The following TCF4 variants were observed in gnomAD, a reference collection of about 807,000 sequenced individuals.
The protein encoded by TCF4 is SL3-3 enhancer factor 2.
TCF4 carries 3 observed loss-of-function variants against 82.1 expected under a neutral mutation model. The observed-to-expected ratio is 0.04, with a 90% CI of 0.02 to 0.09. TCF4 has a LOEUF of 0.09. Ranked by LOEUF, TCF4 falls within the 10% of genes least tolerant of loss-of-function variation. The pLI is 1.00. For missense variants in TCF4, 518 were observed against 852.7 expected, an observed-to-expected ratio of 0.61 and a Z score of 4.89; for synonymous variants, 276 against 309.6, an observed-to-expected ratio of 0.89 and a Z score of 1.14.
chr18:55,322,226 G>A, intron 8 of TCF4: 1 of 1,056,724 alleles, frequency 9.5e-7, no homozygotes, highest in Non-Finnish European at 1.1e-6. Context: ...TACAAATGCA[G>A]TTAATTGACT....
intron 3 of TCF4, among the ~76,000 whole-genome samples, chr18:55,537,342 T>C (rs571408258): frequency 1.3e-5 from 2 of 152,268 alleles, no homozygotes; most frequent in East Asian, 3.9e-4. Context: ...GGCTCACGCC[T>C]GTAATCCCAG....
At chr18:55,370,585 C>T (rs553329266) in intron 6 of TCF4, among the ~76,000 whole-genome samples, 32 of 152,132 alleles carry the variant, frequency 2.1e-4, no homozygotes, top group African/African-American at 7.2e-4. Flanking sequence ...CAAAATGGGC[C>T]GCTCACCATG....
At chr18:55,307,856 G>A (rs530419847) in intron 8 of TCF4, among the ~76,000 whole-genome samples, 2 of 152,296 alleles carry the variant, frequency 1.3e-5, no homozygotes, top group South Asian at 2.1e-4. Context: ...CTGTAGCAAC[G>A]AGAGGATGAT....
chr18:55,524,845 G>C (rs754583019), intron 3 of TCF4, among the ~76,000 whole-genome samples: 1 of 152,074 alleles, frequency 6.6e-6, no homozygotes, highest in Non-Finnish European at 1.5e-5. Context: ...AGTAACCAAA[G>C]AACTGGGAAC....
chr18:55,234,383 G>A (rs1018735161), intron 16 of TCF4, 165 bp downstream of exon 16: 2 of 883,496 alleles, frequency 2.3e-6, no homozygotes, highest in Non-Finnish European at 1.7e-6. Flanking sequence ...CACAATTAGC[G>A]GGCGAAGTTC....
At chr18:55,460,969 G>A (rs773377875) in intron 5 of TCF4, 50 bp downstream of exon 5, 47 of 1,526,990 alleles carry the variant, frequency 3.1e-5, no homozygotes, top group Middle Eastern at 3.4e-4. Flanking sequence ...ACCTTCTATA[G>A]TAAAACTTGA....
At chr18:55,570,774 G>A (rs545178243) in intron 3 of TCF4, among the ~76,000 whole-genome samples, 21 of 151,790 alleles carry the variant, frequency 1.4e-4, no homozygotes, top group African/African-American at 4.8e-4. Context: ...CTGCTACCCG[G>A]GAGGCTGAGG....
intron 3 of TCF4, among the ~76,000 whole-genome samples, chr18:55,481,331 G>A (rs764865775): frequency 6.6e-6 from 1 of 152,090 alleles, no homozygotes; most frequent in Non-Finnish European, 1.5e-5. Flanking sequence ...TGAAAAAGAG[G>A]TTATTAAACA....
chr18:55,628,988 T>C (rs529227006), intron 2 of TCF4, among the ~76,000 whole-genome samples: 16 of 152,360 alleles, frequency 1.1e-4, no homozygotes, highest in Non-Finnish European at 1.9e-4. Flanking sequence ...AATATTTCTT[T>C]ATACATTTAT....
chr18:55,506,152 C>CT (rs2146171789), intron 3 of TCF4, among the ~76,000 whole-genome samples: 1 of 152,264 alleles, frequency 6.6e-6, no homozygotes, highest in South Asian at 2.1e-4. Flanking sequence ...CTGAGTTTTG[C>CT]TTAAAGACCA....
chr18:55,331,442 T>C (rs1372643007), intron 8 of TCF4, among the ~76,000 whole-genome samples: 1 of 152,250 alleles, frequency 6.6e-6, no homozygotes, highest in Non-Finnish European at 1.5e-5. Context: ...TTAGCTTTCT[T>C]TGTCCTGTGC....
intron 8 of TCF4, among the ~76,000 whole-genome samples, chr18:55,329,110 G>A (rs984528309): frequency 5.3e-5 from 8 of 152,190 alleles, no homozygotes; most frequent in Non-Finnish European, 1.2e-4. Context: ...GCAAGTGAAT[G>A]ACCATACAGT....
chr18:55,305,152 T>TG (rs1238725761), intron 8 of TCF4, among the ~76,000 whole-genome samples: 1 of 152,184 alleles, frequency 6.6e-6, no homozygotes, highest in African/African-American at 2.4e-5. Flanking sequence ...TTTAATTAAA[T>TG]GGAATTGTCG....
intron 5 of TCF4, among the ~76,000 whole-genome samples, chr18:55,428,210 T>A (rs1319724389): frequency 6.6e-6 from 1 of 152,212 alleles, no homozygotes; most frequent in Non-Finnish European, 1.5e-5. Context: ...CATCCCCTCC[T>A]TCTTAAAAAA....
chr18:55,252,909 T>C lies in TCF4; in HGVS notation c.1350+1588A>G, dbSNP rs535351141. Among the ~76,000 whole-genome samples the C allele has an allele frequency of 6.6e-5, 10 of 152,296 alleles. No individual in the cohort carries two copies. In the South Asian group the frequency reaches 1.9e-3, roughly 28 times the overall value. On this transcript the variant is annotated intron_variant, in intron 15 of 19. Transcript: ENST00000354452. ...AAACGAAAATCTCATATTATATGCA[T>C]CCCAAGTGTATTTAACACATTACCT...
intron 8 of TCF4, among the ~76,000 whole-genome samples, chr18:55,320,631 C>A (rs1279370327): frequency 6.6e-6 from 1 of 152,192 alleles, no homozygotes; most frequent in Non-Finnish European, 1.5e-5. Flanking sequence ...CTGAACTGGG[C>A]CTTCCTGAAA....
chr18:55,297,528 G>A (rs2066898909), intron 8 of TCF4, among the ~76,000 whole-genome samples: 1 of 152,088 alleles, frequency 6.6e-6, no homozygotes, highest in Non-Finnish European at 1.5e-5. Flanking sequence ...CTGAGGGAGA[G>A]GGTCTGGGTA....
chr18:55,329,151 G>A (rs971757875), intron 8 of TCF4, among the ~76,000 whole-genome samples: 4 of 152,186 alleles, frequency 2.6e-5, no homozygotes, highest in Non-Finnish European at 5.9e-5. Flanking sequence ...CATCACTGAA[G>A]TGCCTTTTCA....
At chr18:55,416,187 C>CA in intron 5 of TCF4, among the ~76,000 whole-genome samples, 1 of 151,634 alleles carries the variant, frequency 6.6e-6, no homozygotes. Context: ...CCTACAGATG[C>CA]AAAAGTCACA....
Sources: gnomAD v4.1 joint callset for allele counts (sites outside exome capture counted in the v4.1 genomes callset) on GRCh38, gnomAD v4.1.1 for gene constraint, MANE v1.5 for transcripts, NCBI Gene and HGNC (gene_info 2026-07-23, HGNC 2026-07-21) for gene names.